Variants in AP2B1 observed in about 807,000 individuals in gnomAD.
AP2B1 encodes the protein AP-2 complex subunit beta.
AP2B1 carries 23 observed loss-of-function variants against 102.0 expected under a neutral mutation model. The ratio of observed to expected loss-of-function variants is 0.23; its 90% CI spans 0.16 to 0.32. The LOEUF (loss-of-function observed/expected upper bound fraction) is 0.32, where lower values mean the gene tolerates loss of function less well. Ranked by LOEUF, AP2B1 falls within the 10% of genes least tolerant of loss-of-function variation. AP2B1 has a pLI of 1.00. For synonymous variants in AP2B1, 381 were observed against 421.2 expected, an observed-to-expected ratio of 0.90 and a Z score of 1.17; for missense variants, 541 against 1,157.4, an observed-to-expected ratio of 0.47 and a Z score of 7.73.
At chr17:35,687,674 T>A (rs1230502486) in intron 18 of AP2B1, among the ~76,000 whole-genome samples, 2 of 151,948 alleles carry the variant, frequency 1.3e-5, no homozygotes, top group Non-Finnish European at 2.9e-5. Flanking sequence ...TAGGAGAATC[T>A]CAAGTAGCTG....
At chr17:35,607,158 G>A (rs186754322) in intron 4 of AP2B1, among the ~76,000 whole-genome samples, 19 of 152,138 alleles carry the variant, frequency 1.2e-4, no homozygotes, top group South Asian at 6.2e-4. Flanking sequence ...GCCCACCTTG[G>A]CCTCTCAAAG....
chr17:35,600,940 C>G (rs142800409), intron 3 of AP2B1: 2 of 935,534 alleles, frequency 2.1e-6, no homozygotes, highest in Middle Eastern at 5.5e-4. Context: ...GCTCCAGGTG[C>G]TGCTCTTCTG....
At chr17:35,657,565 C>A in intron 13 of AP2B1, 34 bp from the exon 14 acceptor site, 1 of 1,574,754 alleles carries the variant, frequency 6.4e-7, no homozygotes, top group Non-Finnish European at 8.7e-7. Context: ...ACTGACTTTT[C>A]TCTTTTCTCC....
At chr17:35,589,074 AC>A in intron 1 of AP2B1, among the ~76,000 whole-genome samples, 1 of 152,234 alleles carries the variant, frequency 6.6e-6, no homozygotes, top group East Asian at 1.9e-4. Context: ...TAGATGTAAA[AC>A]TTTTGAACTC....
intron 5 of AP2B1, among the ~76,000 whole-genome samples, chr17:35,616,302 C>G (rs533870413): frequency 2.6e-3 from 393 of 151,442 alleles, no homozygotes; most frequent in African/African-American, 9.0e-3. Flanking sequence ...GTAGCTGGGA[C>G]TACAGGCGCC....
intron 14 of AP2B1, chr17:35,659,617 C>A: frequency 5.5e-6 from 1 of 180,266 alleles, no homozygotes; most frequent in Non-Finnish European, 1.1e-5. Flanking sequence ...AAGGGATATT[C>A]TTTTGGGGAT....
chr17:35,653,944 T>C (rs535686853), intron 13 of AP2B1, among the ~76,000 whole-genome samples: 2 of 152,230 alleles, frequency 1.3e-5, no homozygotes, highest in African/African-American at 2.4e-5. Flanking sequence ...CCTGTCGTCC[T>C]TCTAGAGTCC....
At chr17:35,706,475 C>T (rs2076342514) in intron 18 of AP2B1, among the ~76,000 whole-genome samples, 3 of 152,290 alleles carry the variant, frequency 2.0e-5, no homozygotes, top group South Asian at 4.1e-4. Flanking sequence ...GGCCTGGCAT[C>T]TGTTTTGAAA....
intron 14 of AP2B1, among the ~76,000 whole-genome samples, chr17:35,667,275 G>A (rs536365948): frequency 6.6e-6 from 1 of 152,170 alleles, no homozygotes. Context: ...TGAATAGTCC[G>A]CATAAGCTGT....
At position 35,633,759 on chromosome 17, in the gene AP2B1, C is replaced by G. The variant is rs563462454; in HGVS notation, c.1156-2582C>G. ...TCACATTACCATGCCCAGCAACTAACAATAATTCTTAATTTTATTGAATAT... is the reference window on the plus strand; with the variant it reads ...TCACATTACCATGCCCAGCAACTAAGAATAATTCTTAATTTTATTGAATAT... On this transcript the variant is annotated intron_variant, in intron 9 of 21. Transcript: ENST00000610402. Among the ~76,000 whole-genome samples, 5 of 152,276 alleles carry G rather than the reference C, an allele frequency of 3.3e-5. No homozygotes were observed. In the East Asian group the frequency reaches 9.6e-4, roughly 29 times the overall value.
At chr17:35,718,574 A>G (rs1283763381) in intron 21 of AP2B1, among the ~76,000 whole-genome samples, 1 of 152,090 alleles carries the variant, frequency 6.6e-6, no homozygotes, top group Non-Finnish European at 1.5e-5. Flanking sequence ...CTATAAAACC[A>G]AGATAGCACA....
chr17:35,627,354 C>T (rs1355015132), intron 7 of AP2B1, 31 bp from the exon 8 acceptor site: 13 of 1,536,194 alleles, frequency 8.5e-6, no homozygotes, highest in Non-Finnish European at 1.1e-5. Flanking sequence ...TATGCCTTCA[C>T]CTTCCTTTCT....
chr17:35,639,616 T>C lies in AP2B1; in HGVS notation c.1293T>C (p.Thr431=). ...YPNKYESIIA[T]LCENLDSLDE... ...TCAGGTATGAAAGTATCATCGCCAC[T>C]CTGTGTGAGAACTTAGACTCGCTGG... The change falls in exon 11 of 22, where the codon ACT becomes ACC. Residue 431 remains threonine, a synonymous_variant. Transcript: ENST00000610402. 1.2e-6 allele frequency: 2 copies of C among 1,613,192 alleles called. No homozygotes were observed. Among genetic ancestry groups the C allele is most frequent in the Non-Finnish European group, 1.7e-6 (2 of 1,179,736 alleles).
intron 9 of AP2B1, among the ~76,000 whole-genome samples, chr17:35,633,978 C>T (rs2074536030): frequency 6.6e-6 from 1 of 152,084 alleles, no homozygotes; most frequent in Non-Finnish European, 1.5e-5. Context: ...GAAACCCCGT[C>T]TCTACTAAAA....
At chr17:35,646,742 C>A (rs1283540184) in intron 12 of AP2B1, among the ~76,000 whole-genome samples, 1 of 151,954 alleles carries the variant, frequency 6.6e-6, no homozygotes, top group African/African-American at 2.4e-5. Context: ...ACATCTGCCA[C>A]CATGCCTGGC....
At chr17:35,678,987 TTTC>T (rs2075759743) in intron 17 of AP2B1, among the ~76,000 whole-genome samples, 1 of 152,056 alleles carries the variant, frequency 6.6e-6, no homozygotes, top group Non-Finnish European at 1.5e-5. Flanking sequence ...TGTTTTGTTT[TTTC>T]AAGTATGTTT....
chr17:35,595,484 C>G (rs2073238519), intron 2 of AP2B1, among the ~76,000 whole-genome samples: 1 of 152,022 alleles, frequency 6.6e-6, no homozygotes, highest in African/African-American at 2.4e-5. Flanking sequence ...GAGGTTGAGG[C>G]TGCAGTGAGT....
Position 35,624,296 on chromosome 17 carries a change from T to C in AP2B1, c.526-101T>C, listed in dbSNP as rs953521424. On this transcript the variant is annotated intron_variant, in intron 5 of 21. Transcript: ENST00000610402. ...TAGGTAAAATGTTCAGGAATGGTTATGAATTGAGATCCGTGAAATGACCCA... is the reference window on the plus strand; with the variant it reads ...TAGGTAAAATGTTCAGGAATGGTTACGAATTGAGATCCGTGAAATGACCCA... 2.8e-6 allele frequency: 3 copies of C among 1,058,698 alleles called. No homozygotes were observed. In the African/African-American group the frequency reaches 4.8e-5, roughly 17 times the overall value. 65.6% of individuals were successfully genotyped at this position (1,058,698 alleles called of 1,614,324 possible).
intron 3 of AP2B1, among the ~76,000 whole-genome samples, chr17:35,604,193 C>T (rs1329280619): frequency 2.6e-5 from 4 of 151,980 alleles, no homozygotes; most frequent in South Asian, 2.1e-4. Context: ...CTGCAGCCTC[C>T]GCATCCCAGG....
Sources: allele counts gnomAD v4.1 joint callset (sites outside exome capture counted in the v4.1 genomes callset), GRCh38; gene constraint gnomAD v4.1.1; transcripts MANE v1.5; gene names NCBI Gene and HGNC (gene_info 2026-07-23, HGNC 2026-07-21).